The following BRAF variants were observed in gnomAD, a reference collection of about 807,000 sequenced individuals.
The protein encoded by BRAF is serine/threonine-protein kinase B-raf.
Under a neutral mutation model 104.6 loss-of-function variants are expected in BRAF, and 16 were observed. The observed-to-expected ratio is 0.15, with a 90% confidence interval of 0.10 to 0.23. BRAF has a LOEUF of 0.23. BRAF is among the 10% of genes least tolerant of loss of function. The probability of loss-of-function intolerance (pLI) is 1.00; values close to 1 mark genes in which losing one functional copy is unlikely to be tolerated. For synonymous variants in BRAF, 310 were observed against 341.6 expected, an observed-to-expected ratio of 0.91 and a Z score of 1.02; for missense variants, 541 against 937.3, an observed-to-expected ratio of 0.58 and a Z score of 5.52.
At chr7:140,742,883 A>G (rs903845807) in intron 17 of BRAF, among the ~76,000 whole-genome samples, 4 of 151,662 alleles carry the variant, frequency 2.6e-5, no homozygotes, top group African/African-American at 4.9e-5. Flanking sequence ...CAAGAAAAAA[A>G]CAAACAACCC....
chr7:140,743,373 C>G (rs193024969), intron 17 of BRAF, among the ~76,000 whole-genome samples: 14 of 152,154 alleles, frequency 9.2e-5, no homozygotes, highest in East Asian at 1.9e-4. Flanking sequence ...CACATATACA[C>G]CATGGAATAC....
intron 14 of BRAF, among the ~76,000 whole-genome samples, chr7:140,772,365 G>A (rs1586103491): frequency 6.6e-6 from 1 of 152,154 alleles, no homozygotes; most frequent in Non-Finnish European, 1.5e-5. Context: ...GCTTACATCT[G>A]TAGTCCCAGC....
At position 140,722,283 on chromosome 7, in the gene BRAF, G is replaced by A; in HGVS notation, c.*4211C>T. On this transcript the variant is annotated 3_prime_UTR_variant, in exon 20 of 20. Coordinates refer to ENST00000644969, the MANE Select transcript of BRAF (RefSeq NM_001374258.1). Reference sequence around the variant, plus strand: ...TTTTCTCATTGTTAAATGTGATTTTGGCTATAAACTCTTTAGTGCATTTAC... The same window carrying A: ...TTTTCTCATTGTTAAATGTGATTTTAGCTATAAACTCTTTAGTGCATTTAC... 1 of 1,055,968 alleles carries A rather than the reference G, an allele frequency of 9.5e-7. No individual in the cohort carries two copies. Among genetic ancestry groups the A allele is most frequent in the Non-Finnish European group, 1.1e-6 (1 of 873,502 alleles). 65.4% of individuals were successfully genotyped at this position (1,055,968 alleles called of 1,614,324 possible).
intron 3 of BRAF, among the ~76,000 whole-genome samples, chr7:140,833,586 G>A (rs1043746416): frequency 6.6e-6 from 1 of 152,116 alleles, no homozygotes; most frequent in Non-Finnish European, 1.5e-5. Flanking sequence ...AAAGAGAAAG[G>A]GTAGAACTGG....
intron 2 of BRAF, among the ~76,000 whole-genome samples, chr7:140,837,887 A>G (rs1807513725): frequency 6.6e-6 from 1 of 152,142 alleles, no homozygotes; most frequent in Non-Finnish European, 1.5e-5. Context: ...AAAATTCTCC[A>G]CATCTTTCCC....
At chr7:140,875,683 A>G (rs1032145228) in intron 1 of BRAF, among the ~76,000 whole-genome samples, 3 of 152,182 alleles carry the variant, frequency 2.0e-5, no homozygotes, top group Non-Finnish European at 2.9e-5. Context: ...CAGCCTAAAA[A>G]TTATCTTGAA....
chr7:140,867,980 A>C (rs894983230), intron 1 of BRAF, among the ~76,000 whole-genome samples: 7 of 152,214 alleles, frequency 4.6e-5, no homozygotes, highest in Admixed American at 2.0e-4. Flanking sequence ...CCTCTTGTAC[A>C]ATTGAACTTG....
At chr7:140,828,706 C>A (rs558438504) in intron 3 of BRAF, among the ~76,000 whole-genome samples, 1 of 152,054 alleles carries the variant, frequency 6.6e-6, no homozygotes, top group Non-Finnish European at 1.5e-5. Context: ...TTTCTTATTA[C>A]GATGATTTAA....
At chr7:140,804,018 G>A (rs779121568) in intron 5 of BRAF, among the ~76,000 whole-genome samples, 4 of 151,042 alleles carry the variant, frequency 2.6e-5, no homozygotes, top group Non-Finnish European at 4.4e-5. Context: ...CCAAGTAGCT[G>A]GGGACTACAG....
intron 5 of BRAF, among the ~76,000 whole-genome samples, chr7:140,802,422 G>A (rs554371745): frequency 3.4e-4 from 51 of 149,588 alleles, no homozygotes; most frequent in Non-Finnish European, 6.4e-4. Context: ...TCAGCCTCCC[G>A]AGCAGCTGGG....
intron 11 of BRAF, among the ~76,000 whole-genome samples, chr7:140,782,530 TTAG>T (rs1429051069): frequency 6.6e-6 from 1 of 151,972 alleles, no homozygotes; most frequent in Non-Finnish European, 1.5e-5. Flanking sequence ...TATTCAACAA[TTAG>T]TAGCAATACT....
chr7:140,777,904 GTAAAGCTAATAGTTGC>G, intron 13 of BRAF, 71 bp downstream of exon 12: 1 of 1,259,402 alleles, frequency 7.9e-7, no homozygotes, highest in Non-Finnish European at 1.1e-6. Context: ...GAGTAAATCT[GTAAAGCTAATAGTTGC>G]TACCACTGGG....
At chr7:140,888,518 C>T (rs1245373186) in intron 1 of BRAF, among the ~76,000 whole-genome samples, 1 of 152,134 alleles carries the variant, frequency 6.6e-6, no homozygotes, top group Admixed American at 6.5e-5. Context: ...CTACAAGCTG[C>T]TTGTCATCCA....
rs764382618 is a variant in BRAF, at chr7:140,724,829, T to C, written c.*1665A>G. On this transcript the variant is annotated 3_prime_UTR_variant, in exon 20 of 20. Coordinates refer to ENST00000644969, the MANE Select transcript of BRAF (RefSeq NM_001374258.1). ...TTCCTAAATTCTGAGTCTAGATTCC[T>C]GATAAGGGAGGTTTTCCATTAATTT... 1.2e-4 allele frequency: 123 copies of C among 1,038,130 alleles called. No individual in the cohort carries two copies. The highest frequency in any genetic ancestry group is 1.4e-4 in the Non-Finnish European group (123 of 862,128). 64.3% of individuals were successfully genotyped at this position (1,038,130 alleles called of 1,614,324 possible).
At position 140,912,522 on chromosome 7, in the gene BRAF, A is replaced by G. The variant is rs143423732; in HGVS notation, c.138+12044T>C. ...TCCCTCCTGAAACGTTTTACTCTCT[A>G]ATGGCTCATTCCTATCATCATACGC... On this transcript the variant is annotated intron_variant, in intron 1 of 19. Transcript: ENST00000644969. Among the ~76,000 whole-genome samples, 1,164 of 152,196 alleles carry G rather than the reference A, an allele frequency of 7.6e-3. 18 individuals carry two copies. The highest frequency in any genetic ancestry group is 0.027 in the African/African-American group (1,101 of 41,506).
intron 14 of BRAF, among the ~76,000 whole-genome samples, chr7:140,766,326 T>G (rs112113397): frequency 0.012 from 1,765 of 152,130 alleles, 22 homozygotes; most frequent in Non-Finnish European, 0.019. Flanking sequence ...CATTAGAAGA[T>G]ATACCTAATG....
At chr7:140,817,964 A>G (rs531278299) in intron 3 of BRAF, among the ~76,000 whole-genome samples, 2 of 152,250 alleles carry the variant, frequency 1.3e-5, no homozygotes, top group Non-Finnish European at 1.5e-5. Context: ...CCTTGAAATC[A>G]TAATTTTGAA....
chr7:140,854,584 T>C (rs1383556948), intron 1 of BRAF, among the ~76,000 whole-genome samples: 3 of 151,672 alleles, frequency 2.0e-5, no homozygotes, highest in Admixed American at 6.6e-5. Context: ...TGGGGGAAAA[T>C]AATCAGAGAT....
At position 140,721,255 on chromosome 7, in the gene BRAF, C is replaced by T; in HGVS notation, c.*5239G>A. On this transcript the variant is annotated 3_prime_UTR_variant, in exon 20 of 20. Transcript: ENST00000644969. Reference sequence around the variant, plus strand: ...AAGTTGTGGATGTTAAATAAAAGTACTTTAGTCACTCATTGAGTTGCCGAC... The same window carrying T: ...AAGTTGTGGATGTTAAATAAAAGTATTTTAGTCACTCATTGAGTTGCCGAC... 1.8e-6 allele frequency: 2 copies of T among 1,113,302 alleles called. No homozygotes were observed. The highest frequency in any genetic ancestry group is 2.2e-6 in the Non-Finnish European group (2 of 912,870). The allele number at this position is 1,113,302 out of a possible 1,614,324, so 69.0% of individuals were successfully genotyped here. A position where few individuals can be genotyped will look rare whatever the true frequency, so the allele number is the denominator to read the frequency against.
Sources: gnomAD v4.1 joint callset for allele counts (sites outside exome capture counted in the v4.1 genomes callset) on GRCh38, gnomAD v4.1.1 for gene constraint, MANE v1.5 for transcripts, NCBI Gene and HGNC (gene_info 2026-07-23, HGNC 2026-07-21) for gene names.